Variants in BBS7 observed in about 807,000 individuals in gnomAD.
BBS7 encodes the protein Bardet-Biedl syndrome 7, also known as BBSome complex member BBS7.
In BBS7, 50 loss-of-function variants were observed where a neutral mutation model predicts 90.3. That is an observed-to-expected ratio of 0.55 (90% CI 0.44 to 0.70). BBS7 has a LOEUF of 0.70. Among genes scored for constraint, BBS7 ranks in the 30% least tolerant of loss-of-function variants. BBS7 has a pLI of 0.00. For missense variants in BBS7, 729 were observed against 838.9 expected (o/e 0.87, Z 1.62); for synonymous variants, 235 against 287.4 (o/e 0.82, Z 1.85).
chr4:121,842,157 A>G (rs1348121530), intron 12 of BBS7, among the ~76,000 whole-genome samples: 4 of 149,250 alleles, frequency 2.7e-5, no homozygotes, highest in African/African-American at 7.4e-5. Flanking sequence ...GAGTCTTGAG[A>G]CAGGAGAATT....
rs1726153147 is a variant in BBS7 at position 121,848,843 on chromosome 4, C to T, written c.934+1G>A. ...CAATTACCTATTATCATTTACTTTACCTGAATATGTGGACACCACGATTTC... is the reference window on the plus strand; with the variant it reads ...CAATTACCTATTATCATTTACTTTATCTGAATATGTGGACACCACGATTTC... On this transcript the variant is annotated splice_donor_variant, in intron 9 of 18. Transcript: ENST00000264499. LOFTEE classifies it high-confidence loss of function. 6.2e-7 allele frequency: 1 copy of T among 1,611,584 alleles called. No individual in the cohort carries two copies. The highest frequency in any genetic ancestry group is 8.5e-7 in the Non-Finnish European group (1 of 1,178,274).
rs996522881 is a variant in BBS7 at position 121,827,880 on chromosome 4, C to CAT, written c.2014+264_2014+265dup. On this transcript the variant is annotated intron_variant, in intron 18 of 18. Coordinates refer to ENST00000264499, the MANE Select transcript of BBS7 (RefSeq NM_176824.3). ...ACATTCATTTTATACCAGGTTTGTT[C>CAT]ATATATATAGATTAATTCATCACAG... is the stretch of plus-strand genomic sequence containing the variant. 4 of 1,139,810 alleles carry CAT rather than the reference C, an allele frequency of 3.5e-6. No individual in the cohort carries two copies. The African/African-American group carries it at 4.8e-5, about 14-fold the overall frequency. 70.6% of individuals were successfully genotyped at this position (1,139,810 alleles called of 1,614,324 possible). A position where few individuals can be genotyped will look rare whatever the true frequency, so the allele number is the denominator to read the frequency against.
At chr4:121,849,941 TTAGA>T (rs2149073950) in intron 8 of BBS7, among the ~76,000 whole-genome samples, 1 of 152,300 alleles carries the variant, frequency 6.6e-6, no homozygotes, top group Non-Finnish European at 1.5e-5. Flanking sequence ...AAATAGTTTT[TTAGA>T]TAAAGAAAGA....
chr4:121,853,705 C>G (rs762607902), intron 7 of BBS7, among the ~76,000 whole-genome samples: 2 of 151,918 alleles, frequency 1.3e-5, no homozygotes, highest in African/African-American at 2.4e-5. Context: ...TGTTGCCCCC[C>G]GCCCCCTCCA....
At chr4:121,861,040 T>C (rs1303327802) in intron 4 of BBS7, among the ~76,000 whole-genome samples, 1 of 152,152 alleles carries the variant, frequency 6.6e-6, no homozygotes, top group East Asian at 1.9e-4. Flanking sequence ...AACTCAAATC[T>C]GAATTGCAAA....
chr4:121,861,016 C>T (rs1726943715), intron 4 of BBS7, among the ~76,000 whole-genome samples: 1 of 152,112 alleles, frequency 6.6e-6, no homozygotes, highest in Non-Finnish European at 1.5e-5. Flanking sequence ...CTTTTCAGCT[C>T]CCTGTGATTC....
At chr4:121,850,909 GT>G (rs1159058786) in intron 8 of BBS7, among the ~76,000 whole-genome samples, 1 of 152,162 alleles carries the variant, frequency 6.6e-6, no homozygotes, top group East Asian at 1.9e-4. Context: ...AGTAACAAAG[GT>G]TTGATTATAA....
intron 18 of BBS7, 107 bp downstream of exon 18, chr4:121,828,039 G>T: frequency 6.4e-7 from 1 of 1,556,256 alleles, no homozygotes; most frequent in South Asian, 1.3e-5. Context: ...CATGAATCAT[G>T]ACTGATGTAA....
chr4:121,865,387 T>C (rs1022863745), intron 2 of BBS7, among the ~76,000 whole-genome samples: 9 of 152,044 alleles, frequency 5.9e-5, no homozygotes, highest in African/African-American at 2.2e-4. Flanking sequence ...TACAGATGCC[T>C]GCCATCGTGC....
At chr4:121,851,785 C>T (rs189439371) in intron 8 of BBS7, among the ~76,000 whole-genome samples, 1 of 152,288 alleles carries the variant, frequency 6.6e-6, no homozygotes, top group East Asian at 1.9e-4. Context: ...TAGAAAGTGA[C>T]GATGTGAATC....
intron 13 of BBS7, among the ~76,000 whole-genome samples, chr4:121,835,739 T>C (rs539770362): frequency 6.6e-6 from 1 of 152,266 alleles, no homozygotes; most frequent in African/African-American, 2.4e-5. Flanking sequence ...AATAAGCTCA[T>C]ATTGGCAGAG....
At chr4:121,853,700 C>T (rs1726445921) in intron 7 of BBS7, among the ~76,000 whole-genome samples, 2 of 152,002 alleles carry the variant, frequency 1.3e-5, no homozygotes, top group South Asian at 4.2e-4. Flanking sequence ...TGACCTGTTG[C>T]CCCCCGCCCC....
chr4:121,861,901 T>C (rs1467096571), intron 3 of BBS7, among the ~76,000 whole-genome samples: 2 of 152,216 alleles, frequency 1.3e-5, no homozygotes, highest in African/African-American at 4.8e-5. Context: ...ATGATGTCAT[T>C]GAAATCTAAA....
At chr4:121,855,624 G>T in intron 5 of BBS7, 63 bp from the exon 6 acceptor site, 1 of 1,354,146 alleles carries the variant, frequency 7.4e-7, no homozygotes, top group South Asian at 1.2e-5. Flanking sequence ...AGGCATTCAT[G>T]AATAACATCA....
At chr4:121,867,232 G>A (rs1172638171) in intron 2 of BBS7, among the ~76,000 whole-genome samples, 1 of 151,822 alleles carries the variant, frequency 6.6e-6, no homozygotes, top group African/African-American at 2.4e-5. Flanking sequence ...CTAGTTTGTT[G>A]TGTATAGAAA....
chr4:121,862,877 C>T (rs1240053534), intron 3 of BBS7, among the ~76,000 whole-genome samples: 1 of 152,196 alleles, frequency 6.6e-6, no homozygotes, highest in African/African-American at 2.4e-5. Flanking sequence ...CACAGCTCAG[C>T]TGACATCTAA....
chr4:121,828,572 C>A (rs1159541603), intron 16 of BBS7, 47 bp downstream of exon 16: 1 of 1,549,994 alleles, frequency 6.5e-7, no homozygotes, highest in African/African-American at 1.4e-5. Context: ...AATGTAACAA[C>A]AACACAAAAT....
At chr4:121,828,883 T>TA (rs1725038222) in intron 15 of BBS7, among the ~76,000 whole-genome samples, 155 bp from the exon 16 acceptor site, 1 of 152,172 alleles carries the variant, frequency 6.6e-6, no homozygotes, top group African/African-American at 2.4e-5. Flanking sequence ...TTTAAACATG[T>TA]AATCCTTTAC....
At chr4:121,860,247 T>C (rs10024820) in intron 4 of BBS7, among the ~76,000 whole-genome samples, 48,215 of 151,912 alleles carry the variant, frequency 0.32, 8,670 homozygotes, top group East Asian at 0.44. Flanking sequence ...TGTATTATAT[T>C]TGCATTATAT....
Sources: gnomAD v4.1 joint callset for allele counts (sites outside exome capture counted in the v4.1 genomes callset) on GRCh38, gnomAD v4.1.1 for gene constraint, MANE v1.5 for transcripts, NCBI Gene and HGNC (gene_info 2026-07-23, HGNC 2026-07-21) for gene names.